ILDR1: variants seen among roughly 807,000 people sequenced by gnomAD.
ILDR1 encodes the protein immunoglobulin like domain containing receptor 1.
A neutral mutation model predicts 62.4 loss-of-function variants in ILDR1; 56 were observed. That is an observed-to-expected ratio of 0.90 (90% CI 0.72 to 1.12). ILDR1 has a LOEUF of 1.12. ILDR1 is among the 50% of genes most tolerant of loss of function. ILDR1 has a pLI of 0.00. For missense variants in ILDR1, 736 were observed against 710.6 expected, an observed-to-expected ratio of 1.04 and a Z score of -0.41; for synonymous variants, 284 against 277.8, an observed-to-expected ratio of 1.02 and a Z score of -0.22.
chr3:122,057,835 C>G, the ILDR1 span, among the ~76,000 whole-genome samples: 2 of 152,340 alleles, frequency 1.3e-5, no homozygotes, highest in African/African-American at 2.4e-5. Flanking sequence ...CTGCAGCACT[C>G]TTCCCTTATT....
intron 1 of ILDR1, among the ~76,000 whole-genome samples, chr3:122,013,808 G>T (rs561631773): frequency 2.6e-5 from 4 of 152,284 alleles, no homozygotes; most frequent in Admixed American, 2.0e-4. Context: ...TTTACCCAAG[G>T]TCTGGCATGC....
rs376536484 is a variant in ILDR1, at chr3:122,007,777, C to T, written c.59-616G>A. ...TCTCTTCCCTGGGCTAATTATGATT[C>T]GTGCCTTGGGACCTCAGCTGAACAG... On this transcript the variant is annotated intron_variant, in intron 1 of 7. Transcript: ENST00000344209. 2.5e-4 allele frequency among the ~76,000 whole-genome samples: 38 copies of T among 152,280 alleles called. 1 individual carries two copies. In the South Asian group the frequency reaches 7.5e-3, roughly 30 times the overall value.
chr3:122,041,930 T>C, the ILDR1 span, among the ~76,000 whole-genome samples: 3 of 150,798 alleles, frequency 2.0e-5, no homozygotes, highest in African/African-American at 4.9e-5. Context: ...TTTATTATTA[T>C]TATACTTTAA....
chr3:122,038,804 A>T, the ILDR1 span, among the ~76,000 whole-genome samples: 1 of 152,320 alleles, frequency 6.6e-6, no homozygotes, highest in East Asian at 1.9e-4. Context: ...TATAAGAGAG[A>T]ATCAATAGAA....
chr3:122,047,868 C>T, the ILDR1 span, among the ~76,000 whole-genome samples: 17 of 152,308 alleles, frequency 1.1e-4, no homozygotes, highest in South Asian at 2.1e-4. Flanking sequence ...AGAAATCACC[C>T]GTCTTCTGCG....
At chr3:121,996,011 ACCT>A (rs1240362065) in intron 5 of ILDR1, among the ~76,000 whole-genome samples, 2 of 151,788 alleles carry the variant, frequency 1.3e-5, no homozygotes, top group African/African-American at 4.8e-5. Context: ...CCCTGCAGGC[ACCT>A]CCTCAATTTA....
At chr3:122,014,780 A>G (rs2071755062) in intron 1 of ILDR1, among the ~76,000 whole-genome samples, 1 of 152,212 alleles carries the variant, frequency 6.6e-6, no homozygotes, top group Admixed American at 6.5e-5. Context: ...TTTTTTTGAT[A>G]AACTACTAAG....
At chr3:122,019,204 A>G (rs2071822311) in intron 1 of ILDR1, among the ~76,000 whole-genome samples, 1 of 152,214 alleles carries the variant, frequency 6.6e-6, no homozygotes, top group African/African-American at 2.4e-5. Context: ...TACTTACTTT[A>G]GCCTTATTTT....
chr3:122,035,398 A>G, the ILDR1 span, among the ~76,000 whole-genome samples: 1 of 152,168 alleles, frequency 6.6e-6, no homozygotes, highest in East Asian at 1.9e-4. Context: ...TAATCACTCT[A>G]TGGTTCTCCC....
chr3:122,002,130 A>T (rs1292215271), intron 3 of ILDR1, among the ~76,000 whole-genome samples: 1 of 152,176 alleles, frequency 6.6e-6, no homozygotes, highest in Non-Finnish European at 1.5e-5. Context: ...ACACAGTGAG[A>T]CCCTATCTCA....
chr3:122,007,518 C>T (rs1459864377), intron 1 of ILDR1, among the ~76,000 whole-genome samples: 1 of 152,206 alleles, frequency 6.6e-6, no homozygotes. Context: ...CATGTCTCTT[C>T]TTAAAATGGT....
the ILDR1 span, among the ~76,000 whole-genome samples, chr3:122,038,916 C>T: frequency 1.3e-5 from 2 of 152,046 alleles, no homozygotes; most frequent in East Asian, 1.9e-4. Flanking sequence ...GATCACCATA[C>T]ATTATGTGTA....
At position 122,022,115 on chromosome 3, in the gene ILDR1, C is replaced by A; in HGVS notation, c.-38G>T. On this transcript the variant is annotated 5_prime_UTR_variant, in exon 1 of 8. Transcript: ENST00000344209. The stretch of plus-strand genomic sequence containing the variant: ...CTGGCCCTTTTCAGCTCAGGGGCTT[C>A]GGGGCACTGCGTCTTTCTTCCTCAG... The A allele has an allele frequency of 6.4e-7, 1 of 1,550,570 alleles. No individual in the cohort carries two copies. Among genetic ancestry groups the A allele is most frequent in the Non-Finnish European group, 8.8e-7 (1 of 1,138,722 alleles).
chr3:122,024,140 GA>G (rs965322270), upstream of ILDR1, among the ~76,000 whole-genome samples: 5 of 151,732 alleles, frequency 3.3e-5, no homozygotes, highest in African/African-American at 1.2e-4. Flanking sequence ...CACAGTATAT[GA>G]AAAAAGGGCT....
At chr3:122,042,057 C>A in the ILDR1 span, among the ~76,000 whole-genome samples, 3 of 104,096 alleles carry the variant, frequency 2.9e-5, no homozygotes, top group Non-Finnish European at 3.8e-5. Flanking sequence ...CCAATGCTAT[C>A]CCTCCCCCCT....
intron 5 of ILDR1, among the ~76,000 whole-genome samples, chr3:121,998,522 A>G (rs1287050221): frequency 6.6e-6 from 1 of 152,150 alleles, no homozygotes; most frequent in Non-Finnish European, 1.5e-5. Context: ...CTAGTTTTTT[A>G]AAATGAACCT....
At chr3:122,030,097 A>G in the ILDR1 span, among the ~76,000 whole-genome samples, 1 of 152,242 alleles carries the variant, frequency 6.6e-6, no homozygotes, top group African/African-American at 2.4e-5. Context: ...GTAGAAGTGT[A>G]GACTCCATGG....
In ILDR1 at chr3:121,988,231, C is replaced by T. The variant is rs763038125; in HGVS notation, c.*136G>A. The T allele has an allele frequency of 2.7e-6, 2 of 752,942 alleles. No homozygotes were observed. Among genetic ancestry groups the T allele is most frequent in the Non-Finnish European group, 4.8e-6 (2 of 415,124 alleles). 46.6% of individuals were successfully genotyped at this position (752,942 alleles called of 1,614,324 possible). On this transcript the variant is annotated 3_prime_UTR_variant, in exon 8 of 8. Coordinates refer to ENST00000344209, the MANE Select transcript of ILDR1 (RefSeq NM_001199799.2). ...TCAAACTCTTGTATTTAAAATTCTT[C>T]TATTTGATTCTCAGAATCTAAGCCA... is the stretch of plus-strand genomic sequence containing the variant.
chr3:122,021,992 G>GGTGCAAAAT, intron 1 of ILDR1, 28 bp downstream of exon 1: 1 of 1,600,270 alleles, frequency 6.2e-7, no homozygotes, highest in Non-Finnish European at 8.5e-7. Context: ...CTTGGGTCCA[G>GGTGCAAAAT]GGTGGGTACC....
Sources: allele counts gnomAD v4.1 joint callset (sites outside exome capture counted in the v4.1 genomes callset), GRCh38; gene constraint gnomAD v4.1.1; transcripts MANE v1.5; gene names NCBI Gene and HGNC (gene_info 2026-07-23, HGNC 2026-07-21).